The following B4GALNT4 variants were observed in gnomAD, a reference collection of about 807,000 sequenced individuals.
The protein encoded by B4GALNT4 is beta-1,4-N-acetyl-galactosaminyltransferase 4, also known as N-acetyl-beta-glucosaminyl-glycoprotein 4-beta-N-acetylgalactosaminyltransferase 1.
In B4GALNT4, 77 loss-of-function variants were observed where a neutral mutation model predicts 110.0. That is an observed-to-expected ratio of 0.70 (90% CI 0.58 to 0.85). The LOEUF (loss-of-function observed/expected upper bound fraction) is 0.85. Among genes scored for constraint, B4GALNT4 ranks in the 40% least tolerant of loss-of-function variants. The probability of loss-of-function intolerance (pLI) is 0.00; values close to 1 mark genes in which losing one functional copy is unlikely to be tolerated. For missense variants in B4GALNT4, 1,575 were observed against 1,506.0 expected (o/e 1.05, Z -0.76); for synonymous variants, 785 against 655.5 (o/e 1.20, Z -3.02).
At position 377,293 on chromosome 11, in the gene B4GALNT4, C is replaced by A; in HGVS notation, c.2170C>A (p.Gln724Lys). 6.3e-7 allele frequency: 1 copy of A among 1,587,126 alleles called. No homozygotes were observed. Among genetic ancestry groups the A allele is most frequent in the South Asian group, 1.1e-5 (1 of 87,504 alleles). Reference protein sequence around the residue: ...PEAEAVDVTAQYMERLNARHG... With the variant: ...PEAEAVDVTAKYMERLNARHG... Reference sequence around the variant, plus strand: ...GGCGGAGGCCGTGGACGTGACCGCTCAGTACATGGAGCGGCTGAACGCGCG... The same window carrying A: ...GGCGGAGGCCGTGGACGTGACCGCTAAGTACATGGAGCGGCTGAACGCGCG... Residue 724 changes from glutamine to lysine, a missense_variant, in exon 14 of 20, where the codon CAG becomes AAG. Gln to Lys is a moderately conservative substitution (Grantham distance 53). Transcript: ENST00000329962.
intron 6 of B4GALNT4, 21 bp from the exon 7 acceptor site, chr11:373,428 C>G (rs769661570): frequency 6.4e-6 from 10 of 1,561,596 alleles, no homozygotes; most frequent in Non-Finnish European, 7.9e-6. Flanking sequence ...CCACCACCAC[C>G]CCTGCTCTAT....
At chr11:375,427 C>T (rs1235195351) in intron 8 of B4GALNT4, 34 bp from the exon 9 acceptor site, 4 of 1,609,374 alleles carry the variant, frequency 2.5e-6, no homozygotes, top group South Asian at 1.1e-5. Context: ...CAGCCACCGC[C>T]CTGTCCCTGA....
In B4GALNT4 at chr11:376,341, C is replaced by G. The variant is rs775639588; in HGVS notation, c.1287C>G (p.Leu429=). 1 of 1,608,382 alleles carries G rather than the reference C, an allele frequency of 6.2e-7. No homozygotes were observed. Among genetic ancestry groups the G allele is most frequent in the Non-Finnish European group, 8.5e-7 (1 of 1,177,614 alleles). ...DEVQRRAFLF[L]NPDDFLDDED... is the part of the protein sequence containing the mutation. ...TGCAGCGCCGAGCCTTCCTCTTCCT[C>G]AACCCGGACGGTGAGTGTCCGCAGC... The change falls in exon 13 of 20, where the codon CTC becomes CTG. Residue 429 remains leucine, a synonymous_variant. Coordinates refer to ENST00000329962, the MANE Select transcript of B4GALNT4 (RefSeq NM_178537.5).
Position 376,238 on chromosome 11 carries a change from C to T in B4GALNT4, c.1197-13C>T, listed in dbSNP as rs751974908. ...GGGGCGGGACTCGGCTCTGATGCCC[C>T]GCCGCGCCCCAGGTTTGGGTTCTAT... On this transcript the variant is annotated splice_polypyrimidine_tract_variant and intron_variant, in intron 12 of 19. Transcript: ENST00000329962. 15 of 1,605,590 alleles carry T rather than the reference C, an allele frequency of 9.3e-6. No homozygotes were observed. The highest frequency in any genetic ancestry group is 6.7e-5 in the Admixed American group (4 of 59,532).
chr11:376,936 C>T lies in B4GALNT4; in HGVS notation c.1813C>T (p.Arg605Cys). The stretch of plus-strand genomic sequence containing the variant: ...CCAAGGGGGCCGGGAGGGCCAGGCG[C>T]GCACGCTGGGACCTGCGGCGCCCAC... ...ATQGGREGQA[R>C]TLGPAAPTVD... The change falls in exon 14 of 20, where the codon CGC (arginine) becomes TGC (cysteine). Residue 605 changes from arginine to cysteine, a missense_variant. Coordinates refer to ENST00000329962, the MANE Select transcript of B4GALNT4 (RefSeq NM_178537.5). 7.0e-7 allele frequency: 1 copy of T among 1,428,062 alleles called. No homozygotes were observed. Among genetic ancestry groups the T allele is most frequent in the Non-Finnish European group, 9.1e-7 (1 of 1,095,988 alleles). The allele number at this position is 1,428,062 out of a possible 1,614,324, so 88.5% of individuals were successfully genotyped here.
chr11:373,318 T>C, intron 6 of B4GALNT4, 27 bp downstream of exon 6: 2 of 1,592,260 alleles, frequency 1.3e-6, no homozygotes, highest in Non-Finnish European at 1.7e-6. Flanking sequence ...CCTGGTGTCG[T>C]CCCGGGCCTC....
Position 376,530 on chromosome 11 carries a change from G to T in B4GALNT4, c.1407G>T (p.Gln469His). 8.0e-7 allele frequency: 1 copy of T among 1,244,572 alleles called. No individual in the cohort carries two copies. The highest frequency in any genetic ancestry group is 1.5e-5 in the South Asian group (1 of 67,114). The allele number at this position is 1,244,572 out of a possible 1,614,324, so 77.1% of individuals were successfully genotyped here. A position where few individuals can be genotyped will look rare whatever the true frequency, so the allele number is the denominator to read the frequency against. Reference protein sequence around the residue: ...PQSPAPAAPAQPGATLAPPTP... With the variant: ...PQSPAPAAPAHPGATLAPPTP... The stretch of plus-strand genomic sequence containing the variant: ...CCCCCGCCCCAGCAGCCCCCGCCCA[G>T]CCCGGAGCCACCCTCGCCCCGCCGA... The change falls in exon 14 of 20, where the codon CAG becomes CAT. Residue 469 changes from glutamine (Q) to histidine (H), a missense_variant. Coordinates refer to ENST00000329962, the MANE Select transcript of B4GALNT4 (RefSeq NM_178537.5).
At position 369,915 on chromosome 11, in the gene B4GALNT4, C is replaced by G; in HGVS notation, c.112C>G (p.Gln38Glu). The G allele has an allele frequency of 1.0e-6, 1 of 981,054 alleles. No homozygotes were observed. The highest frequency in any genetic ancestry group is 1.2e-6 in the Non-Finnish European group (1 of 829,304). The allele number at this position is 981,054 out of a possible 1,614,324, so 60.8% of individuals were successfully genotyped here. The change falls in exon 1 of 20, where the codon CAG (glutamine) becomes GAG (glutamate). Residue 38 changes from glutamine to glutamate, a missense_variant. Transcript: ENST00000329962. ...LTYVHLGLVR[Q>E]GRALRQRLGY... ...CTACGTGCACCTGGGCCTGGTGCGC[C>G]AGGGACGCGCGCTGCGCCAGCGCCT...
chr11:372,840 C>T lies in B4GALNT4; in HGVS notation c.349-12C>T, dbSNP rs762337422. ...GCGGGCCGTGCAGAAGGTAAGGCCC[C>T]CCCATCCCCAGTACAAGGGGCAGGT... On this transcript the variant is annotated splice_polypyrimidine_tract_variant and intron_variant, in intron 3 of 19. Coordinates refer to ENST00000329962, the MANE Select transcript of B4GALNT4 (RefSeq NM_178537.5). 1 of 1,603,636 alleles carries T rather than the reference C, an allele frequency of 6.2e-7. No individual in the cohort carries two copies. The highest frequency in any genetic ancestry group is 1.7e-5 in the Admixed American group (1 of 59,080).
chr11:371,457 G>A (rs545390622), intron 1 of B4GALNT4, among the ~76,000 whole-genome samples: 17 of 152,210 alleles, frequency 1.1e-4, no homozygotes, highest in South Asian at 1.0e-3. Context: ...GGGGTTCCAC[G>A]CCCTGGGATC....
At chr11:379,325 AG>A in intron 14 of B4GALNT4, 92 bp from the exon 15 acceptor site, 2 of 1,359,230 alleles carry the variant, frequency 1.5e-6, no homozygotes, top group Non-Finnish European at 1.9e-6. Flanking sequence ...GCCAACTCCA[AG>A]TCGGCTGAGT....
chr11:375,543 T>G lies in B4GALNT4; in HGVS notation c.850+16T>G. The G allele has an allele frequency of 6.2e-7, 1 of 1,608,862 alleles. No individual in the cohort carries two copies. The highest frequency in any genetic ancestry group is 8.5e-7 in the Non-Finnish European group (1 of 1,179,722). On this transcript the variant is annotated intron_variant, in intron 9 of 19. Coordinates refer to ENST00000329962, the MANE Select transcript of B4GALNT4 (RefSeq NM_178537.5). ...CTGTACACAGGTGCGAGCGGACGCC[T>G]CTGGGGATGTGGGGCTCCTCGGGAT...
chr11:369,725 G>C lies in B4GALNT4; in HGVS notation c.-79G>C. ...GCTGAGCGCGGCGGGGCGGGCCGGG[G>C]ATGCGGCGCGGGGCGGGCGGGGGCC... On this transcript the variant is annotated 5_prime_UTR_variant, in exon 1 of 20. Transcript: ENST00000329962. The C allele has an allele frequency of 2.7e-6, 2 of 727,540 alleles. No homozygotes were observed. Among genetic ancestry groups the C allele is most frequent in the Non-Finnish European group, 3.3e-6 (2 of 598,392 alleles). The allele number at this position is 727,540 out of a possible 1,614,324, so 45.1% of individuals were successfully genotyped here.
At position 380,406 on chromosome 11, in the gene B4GALNT4, A is replaced by T; in HGVS notation, c.2830A>T (p.Met944Leu). 6.2e-7 allele frequency: 1 copy of T among 1,612,216 alleles called. No homozygotes were observed. Among genetic ancestry groups the T allele is most frequent in the South Asian group, 1.1e-5 (1 of 90,996 alleles). ...CAGGCTGGCCTTCGCGCCCGTGGTC[A>T]TGCGCCTGAGCTGCGGGAGCTCGCC... ...EGRLAFAPVV[M>L]RLSCGSSPRD... is the part of the protein sequence containing the mutation. Residue 944 changes from methionine to leucine, a missense_variant, in exon 18 of 20, where the codon ATG becomes TTG. Met to Leu is a conservative substitution (Grantham distance 15). Transcript: ENST00000329962.
intron 8 of B4GALNT4, 38 bp downstream of exon 8, chr11:373,866 C>A: frequency 1.3e-6 from 2 of 1,591,406 alleles, no homozygotes; most frequent in Non-Finnish European, 1.7e-6. Context: ...CTGGAGACTC[C>A]ACTCCCCCCA....
Position 373,093 on chromosome 11 carries a change from G to A in B4GALNT4, c.512G>A (p.Gly171Asp). The A allele has an allele frequency of 6.2e-7, 1 of 1,612,562 alleles. No homozygotes were observed. Among genetic ancestry groups the A allele is most frequent in the Non-Finnish European group, 8.5e-7 (1 of 1,179,858 alleles). ...AAGAACTATGGACTCCGTATTTTTG[G>A]TTTCATCCACCCGGCGAGGGACGGT... ...KWKNYGLRIF[G>D]FIHPARDGDV... The change falls in exon 5 of 20, where the codon GGT (glycine) becomes GAT (aspartate). Residue 171 changes from glycine to aspartate, a missense_variant. Transcript: ENST00000329962.
Position 373,433 on chromosome 11 carries a change from C to A in B4GALNT4, c.637-16C>A. The A allele has an allele frequency of 2.1e-6, 3 of 1,411,516 alleles. No individual in the cohort carries two copies. Among genetic ancestry groups the A allele is most frequent in the Non-Finnish European group, 2.0e-6 (2 of 1,015,636 alleles). 87.4% of individuals were successfully genotyped at this position (1,411,516 alleles called of 1,614,324 possible). A position where few individuals can be genotyped will look rare whatever the true frequency, so the allele number is the denominator to read the frequency against. On this transcript the variant is annotated splice_polypyrimidine_tract_variant and intron_variant, in intron 6 of 19. Transcript: ENST00000329962. ...ACCCCCCCCCCCACCACCACCCCTG[C>A]TCTATCACCCCCCAGACTGGCTCCG...
At chr11:373,654 C>T in intron 7 of B4GALNT4, 96 bp from the exon 8 acceptor site, 1 of 1,513,554 alleles carries the variant, frequency 6.6e-7, no homozygotes, top group Non-Finnish European at 9.1e-7. Flanking sequence ...TCCTGAGGGC[C>T]AGCCCTGAGG....
At position 379,425 on chromosome 11, in the gene B4GALNT4, G is replaced by T. The variant is rs750103769; in HGVS notation, c.2212G>T (p.Ala738Ser). ...RLNARHGGRF[A>S]LLRIVNVEKR... ...GACCGCTGAGCCTTGCAGGCGCTTCGCGCTTCTGCGCATCGTGAACGTGGA... is the reference window on the plus strand; with the variant it reads ...GACCGCTGAGCCTTGCAGGCGCTTCTCGCTTCTGCGCATCGTGAACGTGGA... The change falls in exon 15 of 20, where the codon GCG becomes TCG. Residue 738 changes from alanine to serine, a missense_variant. By Grantham distance (99) the Ala-to-Ser change is moderately conservative. Coordinates refer to ENST00000329962, the MANE Select transcript of B4GALNT4 (RefSeq NM_178537.5). The T allele has an allele frequency of 3.9e-6, 6 of 1,519,030 alleles. No homozygotes were observed. The highest frequency in any genetic ancestry group is 1.2e-5 in the South Asian group (1 of 82,350). The allele number at this position is 1,519,030 out of a possible 1,614,324, so 94.1% of individuals were successfully genotyped here.
Sources: allele counts gnomAD v4.1 joint callset (sites outside exome capture counted in the v4.1 genomes callset), GRCh38; gene constraint gnomAD v4.1.1; transcripts MANE v1.5; gene names NCBI Gene and HGNC (gene_info 2026-07-23, HGNC 2026-07-21).